Variants in FIP1L1 observed in about 807,000 individuals in gnomAD.
FIP1L1 encodes pre-mRNA 3'-end-processing factor FIP1.
FIP1L1 carries 21 observed loss-of-function variants against 84.6 expected under a neutral mutation model. The ratio of observed to expected loss-of-function variants is 0.25; its 90% CI spans 0.18 to 0.36. The LOEUF (loss-of-function observed/expected upper bound fraction) is 0.36, where lower values mean the gene tolerates loss of function less well. Ranked by LOEUF, FIP1L1 falls within the 10% of genes least tolerant of loss-of-function variation. The probability of loss-of-function intolerance (pLI) is 1.00; values close to 1 mark genes in which losing one functional copy is unlikely to be tolerated. For missense variants in FIP1L1, 526 were observed against 751.1 expected (o/e 0.70, Z 3.50); for synonymous variants, 263 against 242.3 (o/e 1.09, Z -0.80).
intron 15 of FIP1L1, among the ~76,000 whole-genome samples, chr4:53,449,700 A>G (rs911535955): frequency 1.3e-5 from 2 of 152,064 alleles, no homozygotes; most frequent in African/African-American, 4.8e-5. Context: ...TATTGGAATG[A>G]TCTGTACCTT....
At chr4:53,452,226 T>C (rs747800340) in intron 15 of FIP1L1, among the ~76,000 whole-genome samples, 7 of 152,200 alleles carry the variant, frequency 4.6e-5, no homozygotes, top group Non-Finnish European at 8.8e-5. Context: ...TAAGTTTTGC[T>C]TATTTTTTTG....
intron 10 of FIP1L1, among the ~76,000 whole-genome samples, chr4:53,409,824 G>A (rs925887517): frequency 1.3e-5 from 2 of 152,226 alleles, no homozygotes; most frequent in African/African-American, 2.4e-5. Context: ...CTGGTGCGCC[G>A]TTTTTTAAGC....
At chr4:53,410,160 C>T (rs796877538) in intron 10 of FIP1L1, among the ~76,000 whole-genome samples, 18 of 152,288 alleles carry the variant, frequency 1.2e-4, no homozygotes, top group African/African-American at 3.6e-4. Context: ...CACTTTTCAT[C>T]GCACATCACA....
chr4:53,421,608 A>G (rs1762459618), intron 11 of FIP1L1, among the ~76,000 whole-genome samples: 1 of 152,204 alleles, frequency 6.6e-6, no homozygotes, highest in Non-Finnish European at 1.5e-5. Flanking sequence ...GGAATATGAG[A>G]TAGCCACATT....
chr4:53,382,311 T>C lies in FIP1L1; in HGVS notation c.204T>C (p.Thr68=), dbSNP rs1250017327. 2 of 1,613,828 alleles carry C rather than the reference T, an allele frequency of 1.2e-6. No individual in the cohort carries two copies. The highest frequency in any genetic ancestry group is 3.3e-5 in the Admixed American group (2 of 60,022). ...ANPPSGIEDE[T]AENGVPKPKV... ...CTCCATCTGGAATTGAAGATGAAAC[T>C]GCTGAAAATGGTGTACCAAAACCGG... Residue 68 remains threonine, a synonymous_variant, in exon 4 of 18, where the codon ACT becomes ACC. Coordinates refer to ENST00000337488, the MANE Select transcript of FIP1L1 (RefSeq NM_030917.4).
intron 11 of FIP1L1, among the ~76,000 whole-genome samples, chr4:53,422,197 A>T (rs932449266): frequency 6.6e-6 from 1 of 152,024 alleles, no homozygotes; most frequent in African/African-American, 2.4e-5. Flanking sequence ...CCCAACCAGT[A>T]TTTCTTGGTT....
At chr4:53,416,078 A>G (rs773899215) in intron 11 of FIP1L1, among the ~76,000 whole-genome samples, 1 of 152,252 alleles carries the variant, frequency 6.6e-6, no homozygotes, top group Non-Finnish European at 1.5e-5. Context: ...GAAAAGTTAG[A>G]TCTGACAAGT....
chr4:53,393,427 G>A (rs532734432), intron 9 of FIP1L1, among the ~76,000 whole-genome samples: 1 of 152,278 alleles, frequency 6.6e-6, no homozygotes, highest in Admixed American at 6.5e-5. Context: ...TGCAAACCCA[G>A]TAACAAGTAG....
chr4:53,414,052 G>T (rs1469798939), intron 10 of FIP1L1, among the ~76,000 whole-genome samples: 5 of 152,102 alleles, frequency 3.3e-5, no homozygotes, highest in Non-Finnish European at 7.4e-5. Context: ...GCAAATATCT[G>T]AACTTTTTAT....
At position 53,377,916 on chromosome 4, in the gene FIP1L1, C is replaced by T. The variant is rs746730879; in HGVS notation, c.78C>T (p.Leu26=). The change falls in exon 1 of 18, where the codon CTC becomes CTT. Residue 26 remains leucine, a synonymous_variant. Coordinates refer to ENST00000337488, the MANE Select transcript of FIP1L1 (RefSeq NM_030917.4). ...GAGGGGATGAGGAGGAAGAGTGGCT[C>T]TATGGCGGTACGAAACTTCCTGTCT... ...GTGGDEEEEW[L]YGGPWDVHVH... The T allele has an allele frequency of 3.8e-6, 6 of 1,594,950 alleles. No individual in the cohort carries two copies. The East Asian group carries it at 1.4e-4, about 36-fold the overall frequency.
intron 11 of FIP1L1, among the ~76,000 whole-genome samples, chr4:53,422,653 G>A (rs1402446227): frequency 6.6e-6 from 1 of 151,744 alleles, no homozygotes; most frequent in African/African-American, 2.4e-5. Flanking sequence ...GACATTTGTT[G>A]TTAATGATGT....
rs781151874 is a variant in FIP1L1, at chr4:53,428,181, C to T, written c.1172C>T (p.Pro391Leu). The T allele has an allele frequency of 1.2e-5, 19 of 1,565,706 alleles. No individual in the cohort carries two copies. The highest frequency in any genetic ancestry group is 1.4e-5 in the Non-Finnish European group (16 of 1,151,988). ...VSTAPPLIPP[P>L]GFPPPPGAPP... Reference sequence around the variant, plus strand: ...ACTGCTCCACCTCTGATTCCACCACCGGGTAAATAGTAAATAAGACATTTG... The same window carrying T: ...ACTGCTCCACCTCTGATTCCACCACTGGGTAAATAGTAAATAAGACATTTG... The change falls in exon 13 of 18, where the codon CCG (proline) becomes CTG (leucine). Residue 391 changes from proline (P) to leucine (L), a missense_variant and splice_region_variant. Physicochemically the swap from Pro to Leu is moderately conservative, Grantham distance 98. Coordinates refer to ENST00000337488, the MANE Select transcript of FIP1L1 (RefSeq NM_030917.4).
At chr4:53,412,001 C>T (rs1199599427) in intron 10 of FIP1L1, among the ~76,000 whole-genome samples, 1 of 151,770 alleles carries the variant, frequency 6.6e-6, no homozygotes, top group Non-Finnish European at 1.5e-5. Flanking sequence ...CCAAAAGTCC[C>T]CATTATGCCT....
rs1207038701 is a variant in FIP1L1 at position 53,459,782 on chromosome 4, GT to G, written c.*340del. ...GGTCAAGGGTTCCACTTGGGCCACA[GT>G]TTTTTTGTTAATCAAACACCACTCT... On this transcript the variant is annotated 3_prime_UTR_variant, in exon 18 of 18. Transcript: ENST00000337488. 1.6e-5 allele frequency: 5 copies of G among 319,162 alleles called. No homozygotes were observed. The highest frequency in any genetic ancestry group is 8.6e-5 in the African/African-American group (4 of 46,334). The allele number at this position is 319,162 out of a possible 1,614,324, so 19.8% of individuals were successfully genotyped here.
At chr4:53,411,191 A>T (rs1757051209) in intron 10 of FIP1L1, among the ~76,000 whole-genome samples, 1 of 152,154 alleles carries the variant, frequency 6.6e-6, no homozygotes, top group Non-Finnish European at 1.5e-5. Flanking sequence ...TACTTGAGGG[A>T]GTTATTGTAA....
chr4:53,458,574 A>C, intron 16 of FIP1L1, 79 bp from the exon 17 acceptor site: 1 of 1,465,438 alleles, frequency 6.8e-7, no homozygotes, highest in Non-Finnish European at 9.2e-7. Flanking sequence ...TGGACTGCAG[A>C]TCACATCTCT....
At chr4:53,458,854 G>T (rs576560304) in intron 17 of FIP1L1, 64 bp downstream of exon 17, 92 of 1,531,910 alleles carry the variant, frequency 6.0e-5, no homozygotes, top group Admixed American at 2.3e-4. Flanking sequence ...CTACATTGTC[G>T]CATTGGAAGA....
At chr4:53,445,459 A>G (rs1278788841) in intron 15 of FIP1L1, among the ~76,000 whole-genome samples, 1 of 152,236 alleles carries the variant, frequency 6.6e-6, no homozygotes, top group Non-Finnish European at 1.5e-5. Flanking sequence ...TAACATGTAT[A>G]CCTCATATAT....
In FIP1L1 at chr4:53,420,467, T is replaced by C. The variant is rs543016358; in HGVS notation, c.924-5405T>C. On this transcript the variant is annotated intron_variant, in intron 11 of 17. Transcript: ENST00000337488. ...AAAAAAAGATAAATCAGACACTCAG[T>C]GAGTGTCGGATCTCCTCTTTCATCA... Among the ~76,000 whole-genome samples the C allele has an allele frequency of 1.4e-3, 216 of 149,454 alleles. 2 individuals carry two copies. Among genetic ancestry groups the C allele is most frequent in the Non-Finnish European group, 1.8e-3 (122 of 67,266 alleles).
Sources: gnomAD v4.1 joint callset for allele counts (sites outside exome capture counted in the v4.1 genomes callset) on GRCh38, gnomAD v4.1.1 for gene constraint, MANE v1.5 for transcripts, NCBI Gene and HGNC (gene_info 2026-07-23, HGNC 2026-07-21) for gene names.